MYO3A: variants seen among roughly 807,000 people sequenced by gnomAD.
The protein encoded by MYO3A is myosin-IIIa.
Under a neutral mutation model 192.7 loss-of-function variants are expected in MYO3A, and 180 were observed. The ratio of observed to expected loss-of-function variants is 0.93; its 90% CI spans 0.83 to 1.06. MYO3A has a LOEUF of 1.06. Ranked by LOEUF, MYO3A falls within the 50% of genes least tolerant of loss-of-function variation. The pLI, the probability that MYO3A is intolerant of heterozygous loss-of-function variation, is 0.00. For missense variants in MYO3A, 1,896 were observed against 1,905.0 expected (o/e 1.00, Z 0.09); for synonymous variants, 628 against 645.3 (o/e 0.97, Z 0.41).
At chr10:26,091,375 G>GT in intron 15 of MYO3A, among the ~76,000 whole-genome samples, 1 of 152,288 alleles carries the variant, frequency 6.6e-6, no homozygotes, top group Non-Finnish European at 1.5e-5. Context: ...AACATAGATA[G>GT]TTTTCAAGGA....
At chr10:25,953,768 T>C (rs568007499) in intron 3 of MYO3A, among the ~76,000 whole-genome samples, 63 of 152,300 alleles carry the variant, frequency 4.1e-4, no homozygotes, top group Admixed American at 7.8e-4. Context: ...TAATGAAATA[T>C]TGATTTCATG....
intron 26 of MYO3A, 69 bp from the exon 27 acceptor site, chr10:26,165,998 G>A: frequency 7.7e-7 from 1 of 1,292,388 alleles, no homozygotes; most frequent in Non-Finnish European, 1.1e-6. Context: ...TAAGTTGTTG[G>A]GGAACCACCA....
intron 6 of MYO3A, among the ~76,000 whole-genome samples, chr10:26,003,297 A>G (rs375612220): frequency 1.1e-4 from 17 of 152,340 alleles, no homozygotes; most frequent in South Asian, 8.3e-4. Flanking sequence ...TAGGTGCTTA[A>G]TAAATAGTTG....
In MYO3A at chr10:25,997,250, T is replaced by C; in HGVS notation, c.500T>C (p.Val167Ala). The change falls in exon 6 of 35, where the codon GTA (valine) becomes GCA (alanine). Residue 167 changes from valine (V) to alanine (A), a missense_variant. Transcript: ENST00000642920. The part of the protein sequence containing the change: ...LLTTEGGVKL[V>A]DFGVSAQLTS... ...ACCACGGAAGGTGGAGTGAAACTAG[T>C]AGATTTTGGTAAGTTTTGTTTAAAA... is the stretch of plus-strand genomic sequence containing the variant. 4 of 1,608,930 alleles carry C rather than the reference T, an allele frequency of 2.5e-6. No homozygotes were observed. The highest frequency in any genetic ancestry group is 3.4e-6 in the Non-Finnish European group (4 of 1,175,530).
chr10:26,033,621 G>A (rs1178240485), intron 10 of MYO3A, among the ~76,000 whole-genome samples: 1 of 152,108 alleles, frequency 6.6e-6, no homozygotes, highest in Non-Finnish European at 1.5e-5. Flanking sequence ...TCTAGATAAA[G>A]GTTCTACACA....
chr10:26,139,910 G>A (rs562912626), intron 20 of MYO3A, among the ~76,000 whole-genome samples: 3 of 152,154 alleles, frequency 2.0e-5, no homozygotes, highest in Admixed American at 6.5e-5. Flanking sequence ...CTACAAACAC[G>A]TTTCAGGTGC....
chr10:26,130,600 A>G (rs1839480020), intron 20 of MYO3A, among the ~76,000 whole-genome samples: 1 of 152,264 alleles, frequency 6.6e-6, no homozygotes, highest in Non-Finnish European at 1.5e-5. Flanking sequence ...CCAGGATTAT[A>G]CAAAGCATTT....
intron 15 of MYO3A, among the ~76,000 whole-genome samples, chr10:26,091,124 T>A (rs1034855404): frequency 6.6e-6 from 1 of 152,190 alleles, no homozygotes; most frequent in Non-Finnish European, 1.5e-5. Context: ...GGATTGGCCC[T>A]TGGGGTCCCA....
chr10:26,208,775 A>G (rs7923442), intron 34 of MYO3A, among the ~76,000 whole-genome samples: 46,048 of 151,976 alleles, frequency 0.3, 9,632 homozygotes, highest in African/African-American at 0.59. Context: ...TATTCAGAAC[A>G]GACCAGAATA....
At chr10:26,020,541 A>G (rs971848435) in intron 7 of MYO3A, among the ~76,000 whole-genome samples, 3 of 152,208 alleles carry the variant, frequency 2.0e-5, no homozygotes, top group African/African-American at 7.2e-5. Context: ...ATCATTTTAC[A>G]GTACTGTATT....
At chr10:26,186,460 G>A (rs879926694) in intron 31 of MYO3A, among the ~76,000 whole-genome samples, 10 of 152,014 alleles carry the variant, frequency 6.6e-5, no homozygotes, top group Admixed American at 2.0e-4. Flanking sequence ...TAGAGATGGT[G>A]TTTCACCGTG....
chr10:26,103,577 G>A (rs1265553363), intron 17 of MYO3A, among the ~76,000 whole-genome samples: 1 of 152,034 alleles, frequency 6.6e-6, no homozygotes, highest in East Asian at 1.9e-4. Context: ...CATGTTATTT[G>A]CCCATTCATT....
At chr10:26,203,142 G>T (rs911960839) in intron 34 of MYO3A, 35 bp downstream of exon 34, 1 of 1,598,274 alleles carries the variant, frequency 6.3e-7, no homozygotes, top group Non-Finnish European at 8.6e-7. Context: ...ATCATTTGCA[G>T]TTTTATACTC....
At chr10:26,102,165 A>G (rs955090552) in intron 17 of MYO3A, among the ~76,000 whole-genome samples, 2 of 151,964 alleles carry the variant, frequency 1.3e-5, no homozygotes, top group African/African-American at 4.8e-5. Flanking sequence ...AATCACTGAT[A>G]CTCTTTCTTC....
At chr10:26,137,029 C>CAAAAAAAAAAAAA (rs11420363) in intron 20 of MYO3A, among the ~76,000 whole-genome samples, 1 of 146,824 alleles carries the variant, frequency 6.8e-6, no homozygotes, top group Non-Finnish European at 1.5e-5. Flanking sequence ...AAAAACAAAA[C>CAAAAAAAAAAAAA]AAAAAAAAAA....
intron 2 of MYO3A, among the ~76,000 whole-genome samples, chr10:25,941,009 T>C (rs1836453846): frequency 6.6e-6 from 1 of 152,222 alleles, no homozygotes; most frequent in Non-Finnish European, 1.5e-5. Context: ...CATTCTCTTA[T>C]TTTCTTCTCA....
rs1375945944 is a variant in MYO3A, at chr10:26,081,140, CCCCCCG to C, written c.1360-7055_1360-7050del. Among the ~76,000 whole-genome samples the C allele has an allele frequency of 7.0e-3, 708 of 101,858 alleles. 30 individuals are homozygous for C. Among genetic ancestry groups the C allele is most frequent in the Middle Eastern group, 0.015 (3 of 206 alleles). 66.8% of individuals were successfully genotyped at this position (101,858 alleles called of 152,430 possible). ...CCCAAGATTATATGCCCTTCCCCCCCCCCCCGCCCCCGCTACCAGGGTGGGTAGGGA... is the reference window on the plus strand; with the variant it reads ...CCCAAGATTATATGCCCTTCCCCCCCCCCCCGCTACCAGGGTGGGTAGGGA... On this transcript the variant is annotated intron_variant, in intron 14 of 34. Coordinates refer to ENST00000642920, the MANE Select transcript of MYO3A (RefSeq NM_017433.5).
At chr10:26,028,908 A>G (rs1842682622) in intron 10 of MYO3A, among the ~76,000 whole-genome samples, 1 of 152,198 alleles carries the variant, frequency 6.6e-6, no homozygotes, top group Non-Finnish European at 1.5e-5. Flanking sequence ...TCTTTTAAAT[A>G]GGGGCTGCTT....
rs140200567 is a variant in MYO3A, at chr10:26,035,872, G to T, written c.953+9340G>T. On this transcript the variant is annotated intron_variant, in intron 10 of 34. Transcript: ENST00000642920. ...TATTTTATTTCTTTGGTATACTGCAGTTAGAGTTTGCATTACTAAGTAGAA... is the reference window on the plus strand; with the variant it reads ...TATTTTATTTCTTTGGTATACTGCATTTAGAGTTTGCATTACTAAGTAGAA... Among the ~76,000 whole-genome samples, 118 of 152,014 alleles carry T rather than the reference G, an allele frequency of 7.8e-4. 1 individual carries two copies. Among genetic ancestry groups the T allele is most frequent in the Middle Eastern group, 3.4e-3 (1 of 290 alleles).
Sources: allele counts gnomAD v4.1 joint callset (sites outside exome capture counted in the v4.1 genomes callset), GRCh38; gene constraint gnomAD v4.1.1; transcripts MANE v1.5; gene names NCBI Gene and HGNC (gene_info 2026-07-23, HGNC 2026-07-21).